ME1: variants seen among roughly 807,000 people sequenced by gnomAD.
The protein encoded by ME1 is NADP-dependent malic enzyme.
ME1 carries 74 observed loss-of-function variants against 66.4 expected under a neutral mutation model. The observed-to-expected ratio is 1.11, with a 90% confidence interval of 0.92 to 1.35. ME1 has a LOEUF of 1.35. Ranked by LOEUF, ME1 falls within the 40% of genes most tolerant of loss-of-function variation. The probability of loss-of-function intolerance (pLI) is 0.00; values close to 1 mark genes in which losing one functional copy is unlikely to be tolerated. For missense variants in ME1, 750 were observed against 694.1 expected (o/e 1.08, Z -0.90); for synonymous variants, 251 against 235.6 (o/e 1.07, Z -0.60).
chr6:83,270,101 T>C (rs764889958), intron 6 of ME1, among the ~76,000 whole-genome samples: 9 of 152,168 alleles, frequency 5.9e-5, no homozygotes, highest in South Asian at 4.1e-4. Context: ...CATCAAAAAA[T>C]GGTGCTGCAG....
At chr6:83,364,212 G>A (rs370404727) in intron 3 of ME1, among the ~76,000 whole-genome samples, 1 of 152,256 alleles carries the variant, frequency 6.6e-6, no homozygotes, top group African/African-American at 2.4e-5. Context: ...TGTCAAAAGA[G>A]AGACTGGCCT....
rs1291081783 is a variant in ME1, at chr6:83,320,292, T to C, written c.601-4879A>G. Among the ~76,000 whole-genome samples, 5 of 152,374 alleles carry C rather than the reference T, an allele frequency of 3.3e-5. No homozygotes were observed. In the South Asian group the frequency reaches 8.3e-4, roughly 25 times the overall value. Reference sequence around the variant, plus strand: ...AGAATAATCTGAAGAGGAGTTTACTTACAGGCAACAGAAATTATAGCCCAG... The same window carrying C: ...AGAATAATCTGAAGAGGAGTTTACTCACAGGCAACAGAAATTATAGCCCAG... On this transcript the variant is annotated intron_variant, in intron 5 of 13. Coordinates refer to ENST00000369705, the MANE Select transcript of ME1 (RefSeq NM_002395.6).
At chr6:83,239,466 C>T in intron 8 of ME1, 73 bp downstream of exon 8, 9 of 1,041,336 alleles carry the variant, frequency 8.6e-6, no homozygotes, top group Non-Finnish European at 1.3e-5. Flanking sequence ...TACGTCAAAT[C>T]TTGAGTTAAT....
intron 9 of ME1, among the ~76,000 whole-genome samples, chr6:83,230,239 C>T (rs1407350883): frequency 1.3e-5 from 2 of 151,694 alleles, no homozygotes; most frequent in African/African-American, 2.4e-5. Context: ...TGCAGTGGCG[C>T]GATCTCGGCT....
chr6:83,324,716 CAAAAAAAAAAAAA>C (rs55866196), intron 5 of ME1, among the ~76,000 whole-genome samples: 1 of 49,306 alleles, frequency 2.0e-5, no homozygotes, highest in Admixed American at 2.9e-4. Flanking sequence ...GCCTACCAAC[CAAAAAAAAAAAAA>C]AAAAAAAAAA....
intron 5 of ME1, among the ~76,000 whole-genome samples, chr6:83,342,354 G>C (rs914540932): frequency 1.3e-5 from 2 of 152,066 alleles, no homozygotes; most frequent in Admixed American, 6.6e-5. Flanking sequence ...CCAGTAACAA[G>C]AGTATATAAT....
At chr6:83,263,102 A>G (rs1766927143) in intron 6 of ME1, among the ~76,000 whole-genome samples, 1 of 152,122 alleles carries the variant, frequency 6.6e-6, no homozygotes, top group South Asian at 2.1e-4. Flanking sequence ...TTGCATTATT[A>G]TTATATGTGT....
intron 4 of ME1, among the ~76,000 whole-genome samples, chr6:83,348,934 A>G (rs1392152127): frequency 6.8e-6 from 1 of 147,584 alleles, no homozygotes; most frequent in Non-Finnish European, 1.5e-5. Context: ...CAGTGAGCAG[A>G]GATCACACCA....
intron 12 of ME1, among the ~76,000 whole-genome samples, chr6:83,222,755 A>G (rs1790117127): frequency 6.6e-6 from 1 of 152,176 alleles, no homozygotes; most frequent in Non-Finnish European, 1.5e-5. Flanking sequence ...TTTGTCTCTG[A>G]CCTAAGAGTT....
chr6:83,272,171 C>A, intron 6 of ME1, among the ~76,000 whole-genome samples: 1 of 152,116 alleles, frequency 6.6e-6, no homozygotes, highest in East Asian at 1.9e-4. Context: ...TAAACCAACT[C>A]ACCTGATATA....
chr6:83,405,707 T>TTGTTG (rs1554163184), intron 2 of ME1, among the ~76,000 whole-genome samples: 2 of 144,244 alleles, frequency 1.4e-5, no homozygotes, highest in African/African-American at 5.2e-5. Flanking sequence ...GAGAGTTTTT[T>TTGTTG]TTGTTGTTGT....
chr6:83,354,210 C>G (rs1768847003), intron 3 of ME1, among the ~76,000 whole-genome samples: 1 of 152,066 alleles, frequency 6.6e-6, no homozygotes, highest in Admixed American at 6.5e-5. Context: ...CACTGCATCC[C>G]CTGCCTCCTG....
chr6:83,387,439 C>T (rs1008559357), intron 3 of ME1, among the ~76,000 whole-genome samples: 1 of 151,932 alleles, frequency 6.6e-6, no homozygotes, highest in Non-Finnish European at 1.5e-5. Flanking sequence ...AAAACTGACA[C>T]CCTCATCATA....
In ME1 at chr6:83,233,507, C is replaced by A. The variant is rs542377690; in HGVS notation, c.1026+4210G>T. Among the ~76,000 whole-genome samples the A allele has an allele frequency of 2.0e-5, 3 of 152,032 alleles. No individual in the cohort carries two copies. The South Asian group carries it at 6.2e-4, about 32-fold the overall frequency. On this transcript the variant is annotated intron_variant, in intron 9 of 13. Transcript: ENST00000369705. ...GATATGGTGTAAATGATGGAAAATG[C>A]TATGCCTGTGATGTTGAAAGTTGAA...
Position 83,289,865 on chromosome 6 carries a change from T to C in ME1, c.704+25445A>G, listed in dbSNP as rs532007107. Among the ~76,000 whole-genome samples, 22 of 152,204 alleles carry C rather than the reference T, an allele frequency of 1.4e-4. No homozygotes were observed. In the South Asian group the frequency reaches 4.3e-3, roughly 30 times the overall value. On this transcript the variant is annotated intron_variant, in intron 6 of 13. Coordinates refer to ENST00000369705, the MANE Select transcript of ME1 (RefSeq NM_002395.6). The stretch of plus-strand genomic sequence containing the variant: ...TTCTTCCTGGTTTAGTCTTGGGAGG[T>C]TGTATGTGTCCAGGAATTTATCTGC...
chr6:83,290,165 G>A (rs941522818), intron 6 of ME1, among the ~76,000 whole-genome samples: 1 of 151,912 alleles, frequency 6.6e-6, no homozygotes, highest in African/African-American at 2.4e-5. Context: ...CTCGTCTTCT[G>A]CTAGCTTTTG....
At chr6:83,266,505 A>AGT (rs33982448) in intron 6 of ME1, among the ~76,000 whole-genome samples, 44,124 of 152,010 alleles carry the variant, frequency 0.29, 7,321 homozygotes, top group Middle Eastern at 0.47. Context: ...CCAAATTAAT[A>AGT]GTTTCTTATG....
intron 7 of ME1, among the ~76,000 whole-genome samples, chr6:83,245,600 G>T (rs532935699): frequency 1.0e-3 from 156 of 152,156 alleles, no homozygotes; most frequent in Non-Finnish European, 1.7e-3. Context: ...TAGAGACGGG[G>T]TTTCTCCATG....
At chr6:83,239,704 C>G in intron 7 of ME1, 68 bp from the exon 8 acceptor site, 1 of 1,099,544 alleles carries the variant, frequency 9.1e-7, no homozygotes, top group Non-Finnish European at 1.4e-6. Flanking sequence ...AGCTTTTATT[C>G]ACAACTTGAA....
Sources: allele counts gnomAD v4.1 joint callset (sites outside exome capture counted in the v4.1 genomes callset), GRCh38; gene constraint gnomAD v4.1.1; transcripts MANE v1.5; gene names NCBI Gene and HGNC (gene_info 2026-07-23, HGNC 2026-07-21).